The following ARHGEF10 variants were observed in gnomAD, a reference collection of about 807,000 sequenced individuals.
ARHGEF10 encodes Rho guanine nucleotide exchange factor 10.
In ARHGEF10, 140 loss-of-function variants were observed where a neutral mutation model predicts 147.4. The ratio of observed to expected loss-of-function variants is 0.95; its 90% CI spans 0.83 to 1.09. The LOEUF (loss-of-function observed/expected upper bound fraction) is 1.09. ARHGEF10 is among the 50% of genes least tolerant of loss of function. The probability of loss-of-function intolerance (pLI) is 0.00; values close to 1 mark genes in which losing one functional copy is unlikely to be tolerated. For missense variants in ARHGEF10, 2,222 were observed against 1,752.7 expected, an observed-to-expected ratio of 1.27 and a Z score of -4.78; for synonymous variants, 902 against 695.8, an observed-to-expected ratio of 1.30 and a Z score of -4.67.
intron 18 of ARHGEF10, among the ~76,000 whole-genome samples, chr8:1,915,460 C>T (rs1168987675): frequency 6.6e-6 from 1 of 152,254 alleles, no homozygotes; most frequent in African/African-American, 2.4e-5. Context: ...GTTAGAATGG[C>T]TGTTCCAAGC....
At position 1,879,221 on chromosome 8, in the gene ARHGEF10, G is replaced by A. The variant is rs147742451; in HGVS notation, c.844-827G>A. Among the ~76,000 whole-genome samples the A allele has an allele frequency of 4.6e-3, 696 of 152,238 alleles. 5 individuals carry two copies. Among genetic ancestry groups the A allele is most frequent in the African/African-American group, 0.016 (649 of 41,550 alleles). On this transcript the variant is annotated intron_variant, in intron 8 of 28. Coordinates refer to ENST00000349830, the MANE Select transcript of ARHGEF10 (RefSeq NM_014629.4). ...GCATCTGAAGTGTCTGTGACCACACGGAGAAGGATCCAGGGGGTCCCCAGT... is the reference window on the plus strand; with the variant it reads ...GCATCTGAAGTGTCTGTGACCACACAGAGAAGGATCCAGGGGGTCCCCAGT...
intron 2 of ARHGEF10, among the ~76,000 whole-genome samples, chr8:1,849,983 T>G (rs796632604): frequency 9.5e-6 from 1 of 104,794 alleles, no homozygotes; most frequent in Non-Finnish European, 2.0e-5. Flanking sequence ...GCCGGCTGCA[T>G]GGACACAGAG....
chr8:1,864,233 A>G, intron 4 of ARHGEF10, 140 bp from the exon 5 acceptor site: 1 of 813,474 alleles, frequency 1.2e-6, no homozygotes, highest in Non-Finnish European at 2.1e-6. Flanking sequence ...AAAAATTTTT[A>G]AGTTTATTAA....
intron 18 of ARHGEF10, among the ~76,000 whole-genome samples, chr8:1,916,512 T>A (rs573410181): frequency 3.9e-5 from 6 of 152,326 alleles, no homozygotes; most frequent in Admixed American, 6.5e-5. Context: ...GAATTCTTAT[T>A]GTTCTTCTCT....
chr8:1,898,860 C>T (rs1469149393), intron 15 of ARHGEF10, among the ~76,000 whole-genome samples: 4 of 152,112 alleles, frequency 2.6e-5, no homozygotes, highest in African/African-American at 9.7e-5. Flanking sequence ...TATCAGTGGC[C>T]CACAGGTCAC....
rs1218437829 is a variant in ARHGEF10, at chr8:1,937,662, GGGGCTGGGGCAGCCCACA to G, written c.3222+3723_3222+3740del. On this transcript the variant is annotated intron_variant, in intron 26 of 28. Coordinates refer to ENST00000349830, the MANE Select transcript of ARHGEF10 (RefSeq NM_014629.4). This position sits in a 1 kb window ranked among gnomAD's most constrained non-coding sequence, Gnocchi z 4.9. ...CCGTTGTGCAGGGGAACTGTGGCCA[GGGGCTGGGGCAGCCCACA>G]GGACCTGAGCCCACAAGATTCGAGC... Among the ~76,000 whole-genome samples the G allele has an allele frequency of 1.3e-5, 2 of 152,232 alleles. No individual in the cohort carries two copies. Among genetic ancestry groups the G allele is most frequent in the Non-Finnish European group, 2.9e-5 (2 of 68,034 alleles).
intron 1 of ARHGEF10, among the ~76,000 whole-genome samples, chr8:1,827,759 A>T (rs997454055): frequency 2.0e-5 from 3 of 152,190 alleles, no homozygotes; most frequent in Non-Finnish European, 2.9e-5. Flanking sequence ...ATGATGTGAA[A>T]AAGGTGTAAA....
chr8:1,924,025 G>C (rs930836813), intron 21 of ARHGEF10, 151 bp downstream of exon 21: 1 of 789,890 alleles, frequency 1.3e-6, no homozygotes, highest in Non-Finnish European at 2.2e-6. Flanking sequence ...ATTCACCCTG[G>C]CACCGGCGAT....
chr8:1,936,148 C>T (rs1207130399), intron 26 of ARHGEF10, among the ~76,000 whole-genome samples: 2 of 152,170 alleles, frequency 1.3e-5, no homozygotes, highest in African/African-American at 4.8e-5. Context: ...CATCTCTTGA[C>T]CCCACTGTCC....
intron 9 of ARHGEF10, among the ~76,000 whole-genome samples, chr8:1,880,465 T>C (rs1808092850): frequency 6.6e-6 from 1 of 152,252 alleles, no homozygotes. Context: ...AATGCCACTT[T>C]CTGTTTGTTT....
intron 1 of ARHGEF10, among the ~76,000 whole-genome samples, chr8:1,842,718 G>A (rs896227168): frequency 1.3e-5 from 2 of 152,264 alleles, no homozygotes; most frequent in African/African-American, 2.4e-5. Context: ...CTTAACACGA[G>A]TCACCAGGAA....
chr8:1,933,937 G>A lies in ARHGEF10; in HGVS notation c.3217G>A (p.Val1073Ile). The change falls in exon 26 of 29, where the codon GTA becomes ATA. Residue 1073 changes from valine (V) to isoleucine (I), a missense_variant. Val to Ile is a conservative substitution (Grantham distance 29). Coordinates refer to ENST00000349830, the MANE Select transcript of ARHGEF10 (RefSeq NM_014629.4). ...CATCATCAGTGTGGAGACTCATGCT[G>A]TAGAGGTAAGTCACTTAGGTGGCTA... is the stretch of plus-strand genomic sequence containing the variant. Reference protein sequence around the residue: ...VFIISVETHAVEGQLEAHQEE... With the variant: ...VFIISVETHAIEGQLEAHQEE... 1.2e-6 allele frequency: 2 copies of A among 1,614,200 alleles called. No individual in the cohort carries two copies. The highest frequency in any genetic ancestry group is 1.7e-6 in the Non-Finnish European group (2 of 1,180,040).
Position 1,890,293 on chromosome 8 carries a change from C to G in ARHGEF10, c.1183-3276C>G, listed in dbSNP as rs145848744. On this transcript the variant is annotated intron_variant, in intron 11 of 28. Transcript: ENST00000349830. ...GGAGACATTGAGTGGGGTGAGGGTT[C>G]TGAGGAGACACTGATGGGGTGAGGG... 2.6e-4 allele frequency among the ~76,000 whole-genome samples: 32 copies of G among 121,890 alleles called. 1 individual carries two copies. Among genetic ancestry groups the G allele is most frequent in the African/African-American group, 9.3e-4 (28 of 30,138 alleles). The allele number at this position is 121,890 out of a possible 152,430, so 80.0% of individuals were successfully genotyped here. A position where few individuals can be genotyped will look rare whatever the true frequency, so the allele number is the denominator to read the frequency against.
At chr8:1,952,588 C>T in intron 27 of ARHGEF10, 117 bp from the exon 28 acceptor site, 1 of 1,383,300 alleles carries the variant, frequency 7.2e-7, no homozygotes, top group Non-Finnish European at 1.0e-6. Flanking sequence ...CCACATCCTG[C>T]CCCTGGCGGA....
At chr8:1,890,660 G>C (rs1291933887) in intron 11 of ARHGEF10, among the ~76,000 whole-genome samples, 4 of 132,556 alleles carry the variant, frequency 3.0e-5, no homozygotes, top group African/African-American at 9.3e-5. Context: ...GAGACACTAA[G>C]TGGGGTGTGA....
At chr8:1,882,830 G>T in intron 10 of ARHGEF10, 81 bp downstream of exon 10, 1 of 970,012 alleles carries the variant, frequency 1.0e-6, no homozygotes, top group Non-Finnish European at 1.6e-6. Context: ...ACTCGGGGTG[G>T]GGGGCGGCCG....
intron 28 of ARHGEF10, 105 bp downstream of exon 28, chr8:1,952,932 A>C: frequency 6.7e-7 from 1 of 1,492,148 alleles, no homozygotes; most frequent in Non-Finnish European, 9.2e-7. Context: ...TAAACAATTC[A>C]TATTATCTGT....
intron 1 of ARHGEF10, among the ~76,000 whole-genome samples, chr8:1,835,735 C>T (rs577017846): frequency 1.4e-4 from 21 of 152,332 alleles, no homozygotes; most frequent in African/African-American, 2.9e-4. Context: ...CCCACAGTCA[C>T]GCTGAACAGC....
intron 7 of ARHGEF10, among the ~76,000 whole-genome samples, chr8:1,871,477 A>G (rs760572994): frequency 2.6e-5 from 4 of 152,220 alleles, no homozygotes; most frequent in African/African-American, 7.2e-5. Context: ...TACATAAACT[A>G]TATGGGATAG....
Sources: allele counts gnomAD v4.1 joint callset (sites outside exome capture counted in the v4.1 genomes callset), GRCh38; gene constraint gnomAD v4.1.1; non-coding constraint Gnocchi (gnomAD v3.1); transcripts MANE v1.5; gene names NCBI Gene and HGNC (gene_info 2026-07-23, HGNC 2026-07-21).